Variants in NIPAL4 observed in about 807,000 individuals in gnomAD.
NIPAL4 encodes magnesium transporter NIPA4.
Under a neutral mutation model 31.6 loss-of-function variants are expected in NIPAL4, and 21 were observed. The ratio of observed to expected loss-of-function variants is 0.67; its 90% CI spans 0.47 to 0.96. NIPAL4 has a LOEUF of 0.96. Among genes scored for constraint, NIPAL4 ranks in the 40% least tolerant of loss-of-function variants. NIPAL4 has a pLI of 0.00. For missense variants in NIPAL4, 438 were observed against 508.0 expected (o/e 0.86, Z 1.32); for synonymous variants, 175 against 211.1 (o/e 0.83, Z 1.48).
Position 157,472,642 on chromosome 5 carries a change from C to T in NIPAL4, c.897C>T (p.Tyr299=), listed in dbSNP as rs373501601. 92 of 1,613,878 alleles carry T rather than the reference C, an allele frequency of 5.7e-5. No individual in the cohort carries two copies. The highest frequency in any genetic ancestry group is 1.1e-4 in the African/African-American group (8 of 74,922). Residue 299 remains tyrosine (Y), a synonymous_variant, in exon 6 of 6, where the codon TAC becomes TAT. Coordinates refer to ENST00000311946, the MANE Select transcript of NIPAL4 (RefSeq NM_001099287.2). ...CTTCCCTGGTGTTCCCCATCTACTA[C>T]GTGTTCTTCACCACGGTGGTCGTTA... ...FNTSLVFPIY[Y]VFFTTVVVTS... is the part of the protein sequence containing the mutation.
intron 1 of NIPAL4, among the ~76,000 whole-genome samples, chr5:157,461,863 C>G (rs1754119619): frequency 6.6e-6 from 1 of 152,238 alleles, no homozygotes; most frequent in Non-Finnish European, 1.5e-5. Flanking sequence ...TCTAAGGGCT[C>G]TTCAAGCTCT....
chr5:157,462,862 C>G (rs1754145358), intron 1 of NIPAL4, among the ~76,000 whole-genome samples: 1 of 152,124 alleles, frequency 6.6e-6, no homozygotes, highest in Non-Finnish European at 1.5e-5. Context: ...GCCCTTGTGC[C>G]CAGGTTTGTT....
chr5:157,461,720 G>A (rs1431203733), intron 1 of NIPAL4, among the ~76,000 whole-genome samples: 1 of 152,234 alleles, frequency 6.6e-6, no homozygotes, highest in Non-Finnish European at 1.5e-5. Context: ...ATATCACACT[G>A]CAAAAGACAC....
intron 1 of NIPAL4, 21 bp downstream of exon 1, chr5:157,460,378 G>T (rs1019381772): frequency 1.0e-5 from 16 of 1,535,832 alleles, no homozygotes; most frequent in Admixed American, 2.0e-5. Context: ...CAGGGCTGGG[G>T]ACCAGGCGGG....
At position 157,471,663 on chromosome 5, in the gene NIPAL4, C is replaced by A. The variant is rs2113669036; in HGVS notation, c.432C>A (p.Ile144=). 6.2e-7 allele frequency: 1 copy of A among 1,606,736 alleles called. No individual in the cohort carries two copies. The highest frequency in any genetic ancestry group is 8.5e-7 in the Non-Finnish European group (1 of 1,176,526). ...CTCCCATTTCCACGTGCAGTGCCATCCTCTCCTCATATTTCCTGAGGGAGA... is the reference window on the plus strand; with the variant it reads ...CTCCCATTTCCACGTGCAGTGCCATACTCTCCTCATATTTCCTGAGGGAGA... ...LGALSVLISA[I]LSSYFLRESL... is the part of the protein sequence containing the mutation. Residue 144 remains isoleucine, a synonymous_variant, in exon 5 of 6, where the codon ATC becomes ATA. Coordinates refer to ENST00000311946, the MANE Select transcript of NIPAL4 (RefSeq NM_001099287.2).
chr5:157,472,971 A>G lies in NIPAL4; in HGVS notation c.*11A>G. The G allele has an allele frequency of 6.6e-7, 1 of 1,506,380 alleles. No individual in the cohort carries two copies. Among genetic ancestry groups the G allele is most frequent in the East Asian group, 2.3e-5 (1 of 43,950 alleles). 93.3% of individuals were successfully genotyped at this position (1,506,380 alleles called of 1,614,324 possible). ...ATAATCCATTCCTGAAGCTTGGAAT[A>G]TGTGAGTGAGAGGATGAGTCCGATG... On this transcript the variant is annotated 3_prime_UTR_variant, in exon 6 of 6. Coordinates refer to ENST00000311946, the MANE Select transcript of NIPAL4 (RefSeq NM_001099287.2).
At chr5:157,461,179 G>A (rs1426412809) in intron 1 of NIPAL4, among the ~76,000 whole-genome samples, 1 of 152,214 alleles carries the variant, frequency 6.6e-6, no homozygotes, top group East Asian at 1.9e-4. Flanking sequence ...TTAGGTGTCT[G>A]ACTTTGGTTT....
intron 4 of NIPAL4, among the ~76,000 whole-genome samples, chr5:157,470,534 A>G (rs1754401364): frequency 6.6e-6 from 1 of 152,202 alleles, no homozygotes; most frequent in Admixed American, 6.5e-5. Flanking sequence ...GAGATAGTAT[A>G]TTTCACTTTG....
At chr5:157,468,991 TG>T (rs1321100255) in intron 4 of NIPAL4, among the ~76,000 whole-genome samples, 179 bp downstream of exon 4, 4 of 152,310 alleles carry the variant, frequency 2.6e-5, no homozygotes, top group Non-Finnish European at 4.4e-5. Context: ...TGCTGCCTCT[TG>T]CCCTAGCATC....
At chr5:157,461,734 G>C (rs1754116665) in intron 1 of NIPAL4, among the ~76,000 whole-genome samples, 1 of 152,238 alleles carries the variant, frequency 6.6e-6, no homozygotes, top group African/African-American at 2.4e-5. Flanking sequence ...AAGACACATG[G>C]ATGTGCCCCA....
intron 2 of NIPAL4, among the ~76,000 whole-genome samples, chr5:157,466,028 A>G (rs1754263378): frequency 6.8e-6 from 1 of 147,080 alleles, no homozygotes; most frequent in African/African-American, 2.5e-5. Flanking sequence ...GTAAGGAAGA[A>G]AGGAGGGAGG....
chr5:157,472,799 T>C lies in NIPAL4; in HGVS notation c.1054T>C (p.Cys352Arg). The C allele has an allele frequency of 6.2e-7, 1 of 1,606,546 alleles. No homozygotes were observed. Among genetic ancestry groups the C allele is most frequent in the East Asian group, 2.2e-5 (1 of 44,692 alleles). Residue 352 changes from cysteine (C) to arginine (R), a missense_variant, in exon 6 of 6, where the codon TGC (cysteine) becomes CGC (arginine). Cys to Arg is a radical substitution (Grantham distance 180, BLOSUM62 -3). Transcript: ENST00000311946. ...LHAFKDLDIS[C>R]ASLPHMHKNP... ...TGCTTTCAAAGACCTGGACATCAGC[T>C]GCGCCAGCTTGCCCCACATGCACAA...
intron 1 of NIPAL4, among the ~76,000 whole-genome samples, chr5:157,462,734 T>A (rs924891117): frequency 5.9e-5 from 9 of 152,220 alleles, no homozygotes; most frequent in African/African-American, 2.2e-4. Context: ...CAAGTGGTCA[T>A]TAGAAACCCT....
At chr5:157,471,243 A>G (rs550089503) in intron 4 of NIPAL4, among the ~76,000 whole-genome samples, 2 of 152,300 alleles carry the variant, frequency 1.3e-5, no homozygotes, top group South Asian at 4.1e-4. Flanking sequence ...CAAGTTGCTT[A>G]ACCTCTCTTG....
chr5:157,473,322 G>A lies in NIPAL4; in HGVS notation c.*362G>A, dbSNP rs891427306. 5.4e-6 allele frequency: 1 copy of A among 185,434 alleles called. No homozygotes were observed. The highest frequency in any genetic ancestry group is 1.1e-5 in the Non-Finnish European group (1 of 90,192). The allele number at this position is 185,434 out of a possible 1,614,324, so 11.5% of individuals were successfully genotyped here. Reference sequence around the variant, plus strand: ...GGACTTCTCTAAGATATTGGTCATTGGAAGTTCCTTCACACCAATTCTCCT... The same window carrying A: ...GGACTTCTCTAAGATATTGGTCATTAGAAGTTCCTTCACACCAATTCTCCT... On this transcript the variant is annotated 3_prime_UTR_variant, in exon 6 of 6. Coordinates refer to ENST00000311946, the MANE Select transcript of NIPAL4 (RefSeq NM_001099287.2).
intron 1 of NIPAL4, among the ~76,000 whole-genome samples, chr5:157,461,770 C>T (rs2113657464): frequency 6.6e-6 from 1 of 152,356 alleles, no homozygotes; most frequent in East Asian, 1.9e-4. Context: ...AGATCTTTCA[C>T]CAGATGTTGG....
intron 5 of NIPAL4, among the ~76,000 whole-genome samples, chr5:157,472,103 G>A (rs549990291): frequency 2.6e-5 from 4 of 152,288 alleles, no homozygotes; most frequent in African/African-American, 9.6e-5. Flanking sequence ...ACAGCTTTAT[G>A]AGGATGATCC....
In NIPAL4 at chr5:157,472,736, G is replaced by A; in HGVS notation, c.991G>A (p.Gly331Ser). Residue 331 changes from glycine to serine, a missense_variant, in exon 6 of 6, where the codon GGC becomes AGC. Physicochemically the swap from Gly to Ser is moderately conservative, Grantham distance 56. Coordinates refer to ENST00000311946, the MANE Select transcript of NIPAL4 (RefSeq NM_001099287.2). Reference protein sequence around the residue: ...SAVDIAGTLSGFVTIILGVFM... With the variant: ...SAVDIAGTLSSFVTIILGVFM... ...TGTGGACATTGCAGGCACCCTCTCGGGCTTTGTCACCATCATCTTGGGCGT... is the reference window on the plus strand; with the variant it reads ...TGTGGACATTGCAGGCACCCTCTCGAGCTTTGTCACCATCATCTTGGGCGT... 1.2e-6 allele frequency: 2 copies of A among 1,613,746 alleles called. No individual in the cohort carries two copies. Among genetic ancestry groups the A allele is most frequent in the South Asian group, 1.1e-5 (1 of 91,066 alleles).
chr5:157,463,033 A>G lies in NIPAL4; in HGVS notation c.38-61A>G, dbSNP rs1754149048. ...GGGTTTGAAACAGTGGCCAATTCCA[A>G]TATTTTAAAAGTGTGCAATTGTCCC... is the stretch of plus-strand genomic sequence containing the variant. On this transcript the variant is annotated intron_variant, in intron 1 of 5. Coordinates refer to ENST00000311946, the MANE Select transcript of NIPAL4 (RefSeq NM_001099287.2). The G allele has an allele frequency of 1.9e-6, 3 of 1,596,406 alleles. No homozygotes were observed. In the African/African-American group the frequency reaches 4.0e-5, roughly 21 times the overall value.
Sources: allele counts gnomAD v4.1 joint callset (sites outside exome capture counted in the v4.1 genomes callset), GRCh38; gene constraint gnomAD v4.1.1; transcripts MANE v1.5; gene names NCBI Gene and HGNC (gene_info 2026-07-23, HGNC 2026-07-21).